The following RERE variants were observed in gnomAD, a reference collection of about 807,000 sequenced individuals.
RERE encodes arginine-glutamic acid dipeptide repeats protein.
Under a neutral mutation model 146.1 loss-of-function variants are expected in RERE, and 40 were observed. That is an observed-to-expected ratio of 0.27 (90% CI 0.21 to 0.36). The LOEUF (loss-of-function observed/expected upper bound fraction) is 0.36. Among genes scored for constraint, RERE ranks in the 10% least tolerant of loss-of-function variants. The pLI is 1.00. For synonymous variants in RERE, 1,003 were observed against 866.0 expected, an observed-to-expected ratio of 1.16 and a Z score of -2.78; for missense variants, 1,933 against 2,138.7, an observed-to-expected ratio of 0.90 and a Z score of 1.90.
At chr1:8,730,276 T>G (rs1407282555) in intron 1 of RERE, among the ~76,000 whole-genome samples, 2 of 152,368 alleles carry the variant, frequency 1.3e-5, no homozygotes, top group South Asian at 2.1e-4. Flanking sequence ...CAGGTTCTAG[T>G]CCGGGTTTTG....
At chr1:8,408,838 G>A (rs1310594626) in intron 12 of RERE, among the ~76,000 whole-genome samples, 1 of 152,188 alleles carries the variant, frequency 6.6e-6, no homozygotes, top group African/African-American at 2.4e-5. Flanking sequence ...GGTGGAGGCT[G>A]GGCTTGGGGC....
chr1:8,582,312 T>TC (rs1391206755), intron 4 of RERE, among the ~76,000 whole-genome samples: 2 of 151,274 alleles, frequency 1.3e-5, no homozygotes, highest in East Asian at 3.9e-4. Flanking sequence ...GTTCAAGCAA[T>TC]CCTACCGCCT....
intron 1 of RERE, among the ~76,000 whole-genome samples, chr1:8,680,348 A>G (rs941835873): frequency 2.0e-5 from 3 of 152,208 alleles, no homozygotes; most frequent in African/African-American, 7.2e-5. Flanking sequence ...CTGCCATGAG[A>G]AGAGGCCAAA....
intron 1 of RERE, among the ~76,000 whole-genome samples, chr1:8,675,943 T>G (rs1638831722): frequency 6.6e-6 from 1 of 152,210 alleles, no homozygotes; most frequent in South Asian, 2.1e-4. Context: ...GAGCATCATC[T>G]TAGCACCCAA....
rs1643948334 is a variant in RERE, at chr1:8,423,571, C to CCAG, written c.1204-767_1204-765dup. The CCAG allele has an allele frequency of 1.0e-6, 1 of 985,106 alleles. No individual in the cohort carries two copies. Among genetic ancestry groups the CCAG allele is most frequent in the African/African-American group, 1.7e-5 (1 of 57,200 alleles). The allele number at this position is 985,106 out of a possible 1,614,324, so 61.0% of individuals were successfully genotyped here. Reference sequence around the variant, plus strand: ...GCTCCGAGCCCCCACCTCGGGGCTCCCAGCCTGGTCCCGGGCGGCCGACCC... The same window carrying CCAG: ...GCTCCGAGCCCCCACCTCGGGGCTCCCAGCAGCCTGGTCCCGGGCGGCCGACCC... On this transcript the variant is annotated intron_variant, in intron 11 of 22. Transcript: ENST00000400908. This position sits in a 1 kb window ranked among gnomAD's most constrained non-coding sequence, Gnocchi z 5.4.
At chr1:8,545,239 C>T (rs993874409) in intron 6 of RERE, among the ~76,000 whole-genome samples, 1 of 152,160 alleles carries the variant, frequency 6.6e-6, no homozygotes, top group Non-Finnish European at 1.5e-5. Context: ...TGACTAAAGA[C>T]AGGGAAGCCC....
chr1:8,491,105 T>C (rs867052218), intron 10 of RERE, among the ~76,000 whole-genome samples: 1 of 150,650 alleles, frequency 6.6e-6, no homozygotes, highest in African/African-American at 2.5e-5. Flanking sequence ...AAAGAACTGA[T>C]AGCTCTGGGC....
chr1:8,694,740 C>G (rs2124425504), intron 1 of RERE, among the ~76,000 whole-genome samples: 1 of 151,044 alleles, frequency 6.6e-6, no homozygotes, highest in Middle Eastern at 3.4e-3. Flanking sequence ...GGCTGGGTGA[C>G]AAAGCGAGAC....
rs866831533 is a variant in RERE at position 8,736,863 on chromosome 1, A to C, written c.-145+80297T>G. Among the ~76,000 whole-genome samples the C allele has an allele frequency of 1.5e-3, 227 of 151,806 alleles. 1 individual carries two copies. Among genetic ancestry groups the C allele is most frequent in the African/African-American group, 5.3e-3 (218 of 41,488 alleles). ...GAGAAGCAAGGGGGAAAAAAAAAAA[A>C]AAAAAAAAAAAACTAAAACCTTTGG... On this transcript the variant is annotated intron_variant, in intron 1 of 22. Coordinates refer to ENST00000400908, the MANE Select transcript of RERE (RefSeq NM_001042681.2).
chr1:8,689,722 G>A (rs1329155647), intron 1 of RERE, among the ~76,000 whole-genome samples: 1 of 149,558 alleles, frequency 6.7e-6, no homozygotes, highest in African/African-American at 2.5e-5. Context: ...TAAGCAAAGC[G>A]ATTATAAGAC....
intron 7 of RERE, among the ~76,000 whole-genome samples, chr1:8,540,763 T>C (rs997212611): frequency 1.3e-5 from 2 of 152,216 alleles, no homozygotes; most frequent in African/African-American, 4.8e-5. Context: ...GATATTTCAG[T>C]GTGTGTTCCT....
At chr1:8,800,832 G>A (rs1641575459) in intron 1 of RERE, among the ~76,000 whole-genome samples, 1 of 152,134 alleles carries the variant, frequency 6.6e-6, no homozygotes, top group African/African-American at 2.4e-5. Flanking sequence ...GGGTGTGGTG[G>A]CACACGCCTG....
At chr1:8,639,620 C>G (rs1012403708) in intron 2 of RERE, among the ~76,000 whole-genome samples, 1 of 152,138 alleles carries the variant, frequency 6.6e-6, no homozygotes, top group African/African-American at 2.4e-5. Flanking sequence ...AGAGTAATTA[C>G]CAGATGCAAA....
chr1:8,761,695 A>C (rs1050103209), intron 1 of RERE, among the ~76,000 whole-genome samples: 1 of 152,094 alleles, frequency 6.6e-6, no homozygotes, highest in Non-Finnish European at 1.5e-5. Context: ...AGGCAGGCAG[A>C]TCACCTAAGG....
At chr1:8,529,801 C>T (rs545659799) in intron 7 of RERE, among the ~76,000 whole-genome samples, 3 of 152,162 alleles carry the variant, frequency 2.0e-5, no homozygotes, top group East Asian at 1.9e-4. Flanking sequence ...GTCTTGAAAC[C>T]GAGCAGTTCC....
At chr1:8,717,418 C>G (rs371597458) in intron 1 of RERE, among the ~76,000 whole-genome samples, 4 of 152,172 alleles carry the variant, frequency 2.6e-5, no homozygotes, top group African/African-American at 7.2e-5. Context: ...GTACACTTCA[C>G]GAGTTCATTA....
intron 1 of RERE, among the ~76,000 whole-genome samples, chr1:8,736,528 C>T (rs1408165327): frequency 6.6e-6 from 1 of 152,084 alleles, no homozygotes; most frequent in African/African-American, 2.4e-5. Context: ...TTAAAGTGAG[C>T]ATCATGTTTT....
intron 10 of RERE, among the ~76,000 whole-genome samples, chr1:8,490,078 A>G (rs1350385710): frequency 1.4e-5 from 2 of 138,602 alleles, no homozygotes; most frequent in African/African-American, 5.4e-5. Flanking sequence ...AACCTGTTTG[A>G]CAGAACAGGC....
chr1:8,368,544 G>A (rs1466903275), intron 12 of RERE, among the ~76,000 whole-genome samples: 1 of 151,508 alleles, frequency 6.6e-6, no homozygotes, highest in Non-Finnish European at 1.5e-5. Flanking sequence ...AGACAAAAGG[G>A]ACCAAAAACG....
Sources: gnomAD v4.1 joint callset for allele counts (sites outside exome capture counted in the v4.1 genomes callset) on GRCh38, gnomAD v4.1.1 for gene constraint, Gnocchi (gnomAD v3.1) non-coding constraint, MANE v1.5 for transcripts, NCBI Gene and HGNC (gene_info 2026-07-23, HGNC 2026-07-21) for gene names.